Variants in CUX1 observed in about 807,000 individuals in gnomAD.
CUX1 encodes the protein protein CASP.
Under a neutral mutation model 158.8 loss-of-function variants are expected in CUX1, and 31 were observed. The observed-to-expected ratio is 0.20, with a 90% CI of 0.15 to 0.26. CUX1 has a LOEUF of 0.26. CUX1 is among the 10% of genes least tolerant of loss of function. The pLI is 1.00. For missense variants in CUX1, 1,589 were observed against 2,014.6 expected (o/e 0.79, Z 4.04); for synonymous variants, 879 against 862.1 (o/e 1.02, Z -0.34).
chr7:102,151,223 G>A (rs1162959518), intron 8 of CUX1, among the ~76,000 whole-genome samples: 3 of 152,100 alleles, frequency 2.0e-5, no homozygotes, highest in Non-Finnish European at 2.9e-5. Flanking sequence ...TCAGTGGGGG[G>A]AGGAGGCAGC....
At chr7:101,880,303 G>T (rs558138039) in intron 1 of CUX1, among the ~76,000 whole-genome samples, 5 of 152,166 alleles carry the variant, frequency 3.3e-5, no homozygotes, top group Admixed American at 3.3e-4. Flanking sequence ...GGAAGTTCAC[G>T]TTCTTGAGAC....
intron 12 of CUX1, among the ~76,000 whole-genome samples, chr7:102,191,685 AGTC>A (rs1794290747): frequency 1.3e-5 from 2 of 152,096 alleles, no homozygotes; most frequent in East Asian, 1.9e-4. Context: ...CCTGGGAGTT[AGTC>A]GTCGTCTTCA....
intron 2 of CUX1, among the ~76,000 whole-genome samples, chr7:102,016,766 C>T (rs758185584): frequency 2.6e-4 from 39 of 152,342 alleles, no homozygotes; most frequent in Non-Finnish European, 4.3e-4. Context: ...TCTCTGCCTA[C>T]ATCTCTGATT....
chr7:101,916,685 A>G lies in CUX1; in HGVS notation c.141+460A>G, dbSNP rs1212278353. On this transcript the variant is annotated intron_variant, in intron 2 of 23. Transcript: ENST00000292535. This position sits in a 1 kb window ranked among gnomAD's most constrained non-coding sequence, Gnocchi z 4.4. ...CGCATCTGGGCATAGCAGTGCGCCT[A>G]ACGCTTCTTGTAAAACAGACATTTC... 6.3e-6 allele frequency: 1 copy of G among 157,620 alleles called. No individual in the cohort carries two copies. The highest frequency in any genetic ancestry group is 1.4e-5 in the Non-Finnish European group (1 of 70,864). The allele number at this position is 157,620 out of a possible 1,614,324, so 9.8% of individuals were successfully genotyped here. A position where few individuals can be genotyped will look rare whatever the true frequency, so the allele number is the denominator to read the frequency against.
chr7:102,135,570 T>TG (rs1554498529), intron 8 of CUX1, among the ~76,000 whole-genome samples: 24 of 137,224 alleles, frequency 1.7e-4, no homozygotes, highest in Non-Finnish European at 3.3e-4. Flanking sequence ...TGTGTGTGTG[T>TG]TTGTGTGTGT....
In CUX1 at chr7:102,256,550, A is replaced by C; in HGVS notation, c.*7508A>C. 1.0e-6 allele frequency: 1 copy of C among 985,452 alleles called. No individual in the cohort carries two copies. The allele number at this position is 985,452 out of a possible 1,614,324, so 61.0% of individuals were successfully genotyped here. On this transcript the variant is annotated 3_prime_UTR_variant, in exon 24 of 24. Coordinates refer to ENST00000292535, the MANE Select transcript of CUX1 (RefSeq NM_181552.4). ...CCAGCAAAATCAAACACCTGTCTCC[A>C]GAGTAGCCACTCAAAAACTGGTGGT...
chr7:102,227,633 A>C lies in CUX1; in HGVS notation c.3397A>C (p.Lys1133Gln), dbSNP rs782013884. 6.2e-7 allele frequency: 1 copy of C among 1,613,272 alleles called. No homozygotes were observed. Among genetic ancestry groups the C allele is most frequent in the Non-Finnish European group, 8.5e-7 (1 of 1,179,684 alleles). ...SPELDTYGIT[K>Q]RVKEVLTDNN... ...GGAGCTGGACACCTACGGCATAACC[A>C]AGCGGGTGAAGGAGGTGCTGACGGA... Residue 1133 changes from lysine (K) to glutamine (Q), a missense_variant, in exon 21 of 24, where the codon AAG (lysine) becomes CAG (glutamine). By Grantham distance (53) the Lys-to-Gln change is moderately conservative (BLOSUM62 1). This residue lies in a region of CUX1 where 259 missense variants were observed against 373.8 expected (regional missense o/e 0.69). Coordinates refer to ENST00000292535, the MANE Select transcript of CUX1 (RefSeq NM_181552.4).
chr7:101,923,045 G>T (rs1040029033), intron 2 of CUX1, among the ~76,000 whole-genome samples: 11 of 152,264 alleles, frequency 7.2e-5, no homozygotes, highest in African/African-American at 2.4e-4. Flanking sequence ...TCCCGCGTGT[G>T]TGATTCCAGA....
chr7:102,066,595 G>A (rs762298170), intron 3 of CUX1, among the ~76,000 whole-genome samples: 16 of 152,146 alleles, frequency 1.1e-4, no homozygotes, highest in Non-Finnish European at 2.1e-4. Context: ...GGAATACCTC[G>A]GAAGTGAGGG....
At chr7:102,059,388 C>A (rs1430726806) in intron 3 of CUX1, among the ~76,000 whole-genome samples, 1 of 152,144 alleles carries the variant, frequency 6.6e-6, no homozygotes, top group Non-Finnish European at 1.5e-5. Flanking sequence ...AATCCCAGCA[C>A]TTTGGGAGGC....
chr7:102,241,951 T>C (rs1474087694), intron 23 of CUX1, among the ~76,000 whole-genome samples: 5 of 152,152 alleles, frequency 3.3e-5, no homozygotes, highest in African/African-American at 7.2e-5. Flanking sequence ...GTCTGGGTGA[T>C]AGAGCCAGAC....
rs782734632 is a variant in CUX1, at chr7:102,197,307, TGA to T, written c.1894+7_1894+8del. On this transcript the variant is annotated splice_donor_region_variant and intron_variant, in intron 15 of 23. Transcript: ENST00000292535. ...GTAGCATCCAAGGCAGACAAAGAGGTGAGAGACTGGCGTTGGGTGGCGCCAGC... is the reference window on the plus strand; with the variant it reads ...GTAGCATCCAAGGCAGACAAAGAGGTGAGACTGGCGTTGGGTGGCGCCAGC... 1 of 1,608,856 alleles carries T rather than the reference TGA, an allele frequency of 6.2e-7. No homozygotes were observed. The highest frequency in any genetic ancestry group is 8.5e-7 in the Non-Finnish European group (1 of 1,175,800).
At chr7:102,064,132 G>A (rs955799842) in intron 3 of CUX1, among the ~76,000 whole-genome samples, 36 of 152,336 alleles carry the variant, frequency 2.4e-4, no homozygotes, top group African/African-American at 8.4e-4. Context: ...CTCAGAGCAG[G>A]ACAGGTTTTA....
At chr7:101,858,099 G>C (rs1797073348) in intron 1 of CUX1, among the ~76,000 whole-genome samples, 1 of 152,158 alleles carries the variant, frequency 6.6e-6, no homozygotes, top group Non-Finnish European at 1.5e-5. Context: ...CTCCAACCTG[G>C]GCAACAGAGC....
chr7:101,904,664 G>T (rs545467591), intron 1 of CUX1, among the ~76,000 whole-genome samples: 2 of 151,606 alleles, frequency 1.3e-5, no homozygotes, highest in African/African-American at 4.8e-5. Context: ...TGCCTCCCGG[G>T]TTCAAGCGAT....
intron 4 of CUX1, among the ~76,000 whole-genome samples, chr7:102,078,314 A>G (rs1270112214): frequency 6.6e-6 from 1 of 152,138 alleles, no homozygotes; most frequent in African/African-American, 2.4e-5. Context: ...AGGCTCAAGC[A>G]ATCCTCCCGC....
intron 20 of CUX1, among the ~76,000 whole-genome samples, chr7:102,216,825 CCA>C (rs57908920): frequency 0.3 from 42,133 of 140,596 alleles, 6,233 homozygotes; most frequent in Middle Eastern, 0.35. Context: ...CACTCTCCCA[CCA>C]CACACACACA....
intron 21 of CUX1, chr7:102,282,676 G>T: frequency 6.2e-7 from 1 of 1,606,464 alleles, no homozygotes; most frequent in Non-Finnish European, 8.5e-7. Context: ...TGGCCTTGAG[G>T]CGAACGGGCA....
intron 5 of CUX1, among the ~76,000 whole-genome samples, chr7:102,102,455 C>G (rs934118691): frequency 3.7e-5 from 5 of 136,714 alleles, no homozygotes; most frequent in Non-Finnish European, 7.7e-5. Context: ...AAGCCTTTAG[C>G]TTGTATGCAC....
Sources: allele counts gnomAD v4.1 joint callset (sites outside exome capture counted in the v4.1 genomes callset), GRCh38; gene constraint gnomAD v4.1.1; regional missense constraint gnomAD v4.1.1; non-coding constraint Gnocchi (gnomAD v3.1); transcripts MANE v1.5; gene names NCBI Gene and HGNC (gene_info 2026-07-23, HGNC 2026-07-21).